OTUD3: variants seen among roughly 807,000 people sequenced by gnomAD.
The protein encoded by OTUD3 is OTU domain-containing protein 3.
In OTUD3, 24 loss-of-function variants were observed where a neutral mutation model predicts 46.2. The ratio of observed to expected loss-of-function variants is 0.52; its 90% confidence interval spans 0.38 to 0.73. The LOEUF (loss-of-function observed/expected upper bound fraction) is 0.73. Among genes scored for constraint, OTUD3 ranks in the 30% least tolerant of loss-of-function variants. The pLI is 0.00. For missense variants in OTUD3, 455 were observed against 523.3 expected, an observed-to-expected ratio of 0.87 and a Z score of 1.27; for synonymous variants, 189 against 195.4, an observed-to-expected ratio of 0.97 and a Z score of 0.27.
chr1:19,890,151 A>G (rs960185309), intron 1 of OTUD3, among the ~76,000 whole-genome samples: 14 of 152,180 alleles, frequency 9.2e-5, no homozygotes, highest in African/African-American at 2.9e-4. Context: ...TGAGTCAGCC[A>G]GCTGGTACAT....
At chr1:19,893,518 G>A (rs2045477329) in intron 2 of OTUD3, among the ~76,000 whole-genome samples, 2 of 152,112 alleles carry the variant, frequency 1.3e-5, no homozygotes, top group South Asian at 4.2e-4. Flanking sequence ...CCTAACTTTG[G>A]TGTCCAGAGG....
At chr1:19,886,963 A>G (rs2045370433) in intron 1 of OTUD3, among the ~76,000 whole-genome samples, 1 of 152,268 alleles carries the variant, frequency 6.6e-6, no homozygotes, top group South Asian at 2.1e-4. Flanking sequence ...ACTACATTAA[A>G]AAGAAACAGG....
intron 1 of OTUD3, among the ~76,000 whole-genome samples, chr1:19,889,568 G>A (rs1439685752): frequency 6.6e-6 from 1 of 152,144 alleles, no homozygotes; most frequent in Non-Finnish European, 1.5e-5. Context: ...GATTGTGTTT[G>A]TCTTGTTTGA....
At position 19,907,835 on chromosome 1, in the gene OTUD3, G is replaced by A. The variant is rs184480181; in HGVS notation, c.*89G>A. 2.7e-4 allele frequency: 338 copies of A among 1,261,872 alleles called. No individual in the cohort carries two copies. Among genetic ancestry groups the A allele is most frequent in the Admixed American group, 1.6e-3 (74 of 46,006 alleles). The allele number at this position is 1,261,872 out of a possible 1,614,324, so 78.2% of individuals were successfully genotyped here. On this transcript the variant is annotated 3_prime_UTR_variant, in exon 8 of 8. Coordinates refer to ENST00000375120, the MANE Select transcript of OTUD3 (RefSeq NM_015207.2). ...CAGTGAGGCCGTCCTTTTATAAAAC[G>A]CAACACAACCAACGAAGCCCACACA...
chr1:19,896,604 T>C (rs945417267), intron 3 of OTUD3, among the ~76,000 whole-genome samples: 1 of 152,186 alleles, frequency 6.6e-6, no homozygotes, highest in Non-Finnish European at 1.5e-5. Context: ...TGGTTTTTGC[T>C]TTGTCTTTAG....
intron 1 of OTUD3, 90 bp downstream of exon 1, chr1:19,882,824 T>G: frequency 8.6e-7 from 1 of 1,166,332 alleles, no homozygotes; most frequent in Non-Finnish European, 1.1e-6. Flanking sequence ...CATCCATCCA[T>G]TCATTCGGGC....
At chr1:19,900,539 A>G (rs944371377) in intron 4 of OTUD3, among the ~76,000 whole-genome samples, 2 of 152,128 alleles carry the variant, frequency 1.3e-5, no homozygotes, top group African/African-American at 2.4e-5. Context: ...TCTGAAATTT[A>G]TATTGAAATA....
intron 1 of OTUD3, among the ~76,000 whole-genome samples, chr1:19,886,111 T>C (rs1329629445): frequency 6.6e-6 from 1 of 152,192 alleles, no homozygotes; most frequent in African/African-American, 2.4e-5. Flanking sequence ...CCACATAAAT[T>C]GGATTCATTT....
intron 1 of OTUD3, among the ~76,000 whole-genome samples, chr1:19,887,805 C>A (rs1435327759): frequency 6.6e-6 from 1 of 152,158 alleles, no homozygotes; most frequent in Admixed American, 6.5e-5. Context: ...TCTTAAAATA[C>A]AGTAACTAGA....
At chr1:19,902,975 TG>T (rs1176925556) in intron 4 of OTUD3, among the ~76,000 whole-genome samples, 2 of 152,060 alleles carry the variant, frequency 1.3e-5, no homozygotes, top group African/African-American at 2.4e-5. Flanking sequence ...ATAAAGCCTT[TG>T]GGTGGTTTCC....
chr1:19,882,462 T>TC lies in OTUD3; in HGVS notation c.-52_-51insC. The TC allele has an allele frequency of 7.5e-7, 1 of 1,327,708 alleles. No homozygotes were observed. 82.2% of individuals were successfully genotyped at this position (1,327,708 alleles called of 1,614,324 possible). ...CCTTCCCAACGCTTGAGGCGGACGCTGGGGGGTCCTGCGCCTTTCCCTCCT... is the reference window on the plus strand; with the variant it reads ...CCTTCCCAACGCTTGAGGCGGACGCTCGGGGGGTCCTGCGCCTTTCCCTCCT... On this transcript the variant is annotated 5_prime_UTR_variant, in exon 1 of 8. Transcript: ENST00000375120.
chr1:19,903,209 A>T (rs2045615945), intron 4 of OTUD3, among the ~76,000 whole-genome samples: 1 of 151,762 alleles, frequency 6.6e-6, no homozygotes, highest in Non-Finnish European at 1.5e-5. Context: ...CACCATGTCC[A>T]AATAATTCTT....
At chr1:19,883,189 G>A (rs1374439772) in intron 1 of OTUD3, among the ~76,000 whole-genome samples, 1 of 152,152 alleles carries the variant, frequency 6.6e-6, no homozygotes, top group Non-Finnish European at 1.5e-5. Flanking sequence ...TGGTTTTTGG[G>A]TGGTGCCCCC....
Position 19,890,547 on chromosome 1 carries a change from G to A in OTUD3, c.370+14G>A. On this transcript the variant is annotated intron_variant, in intron 2 of 7. Coordinates refer to ENST00000375120, the MANE Select transcript of OTUD3 (RefSeq NM_015207.2). ...TTGAGAAGCATGGTAGGTTCACTGTGGGACATTGTGTCCTTCAGGAGTAAT... is the reference window on the plus strand; with the variant it reads ...TTGAGAAGCATGGTAGGTTCACTGTAGGACATTGTGTCCTTCAGGAGTAAT... The A allele has an allele frequency of 6.2e-7, 1 of 1,612,270 alleles. No individual in the cohort carries two copies. Among genetic ancestry groups the A allele is most frequent in the Non-Finnish European group, 8.5e-7 (1 of 1,178,468 alleles).
In OTUD3 at chr1:19,909,530, A is replaced by G. The variant is rs2045708140; in HGVS notation, c.*1784A>G. On this transcript the variant is annotated 3_prime_UTR_variant, in exon 8 of 8. Transcript: ENST00000375120. ...AGGAAGTGGGATCGAGTGCGTTAGG[A>G]TCTATGGTTGTCTTGGTTTTCAACT... 6.6e-6 allele frequency: 1 copy of G among 152,200 alleles called. No homozygotes were observed. The highest frequency in any genetic ancestry group is 2.1e-4 in the South Asian group (1 of 4,820). 9.4% of individuals were successfully genotyped at this position (152,200 alleles called of 1,614,324 possible).
At chr1:19,901,939 C>T (rs1370604304) in intron 4 of OTUD3, among the ~76,000 whole-genome samples, 1 of 152,112 alleles carries the variant, frequency 6.6e-6, no homozygotes, top group African/African-American at 2.4e-5. Flanking sequence ...AGGTTGTTCC[C>T]ACCTTTTGGC....
intron 4 of OTUD3, among the ~76,000 whole-genome samples, chr1:19,903,770 C>T (rs187374145): frequency 2.6e-5 from 4 of 152,158 alleles, no homozygotes; most frequent in East Asian, 1.9e-4. Context: ...CATGCTCATC[C>T]GTGACTGTCC....
At position 19,908,376 on chromosome 1, in the gene OTUD3, A is replaced by G. The variant is rs528934895; in HGVS notation, c.*630A>G. 2.0e-5 allele frequency: 3 copies of G among 152,472 alleles called. No individual in the cohort carries two copies. In the South Asian group the frequency reaches 6.2e-4, roughly 32 times the overall value. The allele number at this position is 152,472 out of a possible 1,614,324, so 9.4% of individuals were successfully genotyped here. A position where few individuals can be genotyped will look rare whatever the true frequency, so the allele number is the denominator to read the frequency against. On this transcript the variant is annotated 3_prime_UTR_variant, in exon 8 of 8. Coordinates refer to ENST00000375120, the MANE Select transcript of OTUD3 (RefSeq NM_015207.2). Reference sequence around the variant, plus strand: ...CTTCCTGATTCTGATGTTATTTCAGATGGGATGCAGGTGCTGTTAGTTCAT... The same window carrying G: ...CTTCCTGATTCTGATGTTATTTCAGGTGGGATGCAGGTGCTGTTAGTTCAT...
Position 19,912,262 on chromosome 1 carries a change from A to G in OTUD3, c.*4516A>G, listed in dbSNP as rs1319546375. Reference sequence around the variant, plus strand: ...GCCTGCGGCAGGCTGCCAGCCATCCATGACAATCATGTGAGCTCAGCCACA... The same window carrying G: ...GCCTGCGGCAGGCTGCCAGCCATCCGTGACAATCATGTGAGCTCAGCCACA... On this transcript the variant is annotated 3_prime_UTR_variant, in exon 8 of 8. Transcript: ENST00000375120. The G allele has an allele frequency of 1.3e-5, 2 of 152,238 alleles. No homozygotes were observed. Among genetic ancestry groups the G allele is most frequent in the African/African-American group, 4.8e-5 (2 of 41,416 alleles). The allele number at this position is 152,238 out of a possible 1,614,324, so 9.4% of individuals were successfully genotyped here.
Sources: gnomAD v4.1 joint callset for allele counts (sites outside exome capture counted in the v4.1 genomes callset) on GRCh38, gnomAD v4.1.1 for gene constraint, MANE v1.5 for transcripts, NCBI Gene and HGNC (gene_info 2026-07-23, HGNC 2026-07-21) for gene names.